The following GOLGA4 variants were observed in gnomAD, a reference collection of about 807,000 sequenced individuals.
The protein encoded by GOLGA4 is golgin A4.
A neutral mutation model predicts 265.9 loss-of-function variants in GOLGA4; 169 were observed. That is an observed-to-expected ratio of 0.64 (90% CI 0.56 to 0.72). The LOEUF (loss-of-function observed/expected upper bound fraction) is 0.72. GOLGA4 is among the 30% of genes least tolerant of loss of function. The pLI is 0.00. For synonymous variants in GOLGA4, 923 were observed against 855.8 expected (o/e 1.08, Z -1.37); for missense variants, 2,482 against 2,483.4 (o/e 1.00, Z 0.01).
At chr3:37,352,942 G>C (rs752400680) in intron 21 of GOLGA4, among the ~76,000 whole-genome samples, 16 of 152,038 alleles carry the variant, frequency 1.1e-4, no homozygotes, top group Admixed American at 2.0e-4. Context: ...TCTATCTTTT[G>C]ATTCAGAGTG....
chr3:37,332,264 T>C (rs952842473), intron 16 of GOLGA4, among the ~76,000 whole-genome samples: 1 of 152,216 alleles, frequency 6.6e-6, no homozygotes, highest in Non-Finnish European at 1.5e-5. Flanking sequence ...TCTGTGTGCC[T>C]AAAGTCACAT....
At chr3:37,349,969 C>T (rs921170260) in intron 21 of GOLGA4, among the ~76,000 whole-genome samples, 2 of 152,018 alleles carry the variant, frequency 1.3e-5, no homozygotes, top group African/African-American at 4.8e-5. Context: ...TCCTTCTGTC[C>T]GTATACTTTC....
chr3:37,243,454 TG>T lies in GOLGA4; in HGVS notation c.-95del. On this transcript the variant is annotated 5_prime_UTR_variant, in exon 1 of 24. An upstream open reading frame in the 5' UTR loses its in-frame stop. Transcript: ENST00000361924. ...GGCGAGGCCCGGCCCCCGCTGTCCCTGGTGTAAAGAAGTCGCCGTAGCCGTC... is the reference window on the plus strand; with the variant it reads ...GGCGAGGCCCGGCCCCCGCTGTCCCTGTGTAAAGAAGTCGCCGTAGCCGTC... 2 of 1,011,174 alleles carry T rather than the reference TG, an allele frequency of 2.0e-6. No homozygotes were observed. Among genetic ancestry groups the T allele is most frequent in the Non-Finnish European group, 3.1e-6 (2 of 636,046 alleles). The allele number at this position is 1,011,174 out of a possible 1,614,324, so 62.6% of individuals were successfully genotyped here. A position where few individuals can be genotyped will look rare whatever the true frequency, so the allele number is the denominator to read the frequency against.
chr3:37,330,008 T>C (rs1482857841), intron 16 of GOLGA4, among the ~76,000 whole-genome samples: 1 of 152,030 alleles, frequency 6.6e-6, no homozygotes, highest in East Asian at 1.9e-4. Flanking sequence ...TTCCAAGATA[T>C]AACACATGCC....
At chr3:37,362,209 A>C (rs1402735138) in intron 23 of GOLGA4, among the ~76,000 whole-genome samples, 1 of 34,442 alleles carries the variant, frequency 2.9e-5, no homozygotes, top group African/African-American at 4.5e-5. Flanking sequence ...TTATTTATTT[A>C]TTTATTTATT....
intron 5 of GOLGA4, among the ~76,000 whole-genome samples, chr3:37,293,086 T>C (rs1399697767): frequency 2.0e-5 from 3 of 152,188 alleles, no homozygotes; most frequent in South Asian, 2.1e-4. Flanking sequence ...TTTGAAAATA[T>C]TGTTTGAGGA....
At chr3:37,269,348 A>T (rs2096792020) in intron 2 of GOLGA4, among the ~76,000 whole-genome samples, 1 of 152,202 alleles carries the variant, frequency 6.6e-6, no homozygotes, top group Non-Finnish European at 1.5e-5. Context: ...CTAAGATGAA[A>T]ATGGTAGCAT....
Position 37,361,280 on chromosome 3 carries a change from A to G in GOLGA4, c.*8A>G, listed in dbSNP as rs759151268. On this transcript the variant is annotated 3_prime_UTR_variant, in exon 23 of 24. Coordinates refer to ENST00000361924, the MANE Select transcript of GOLGA4 (RefSeq NM_002078.5). ...CGCAGTGGTATCTTCTGAGTAAACC[A>G]TCAGTCTGTGCTTAGTTAACATGTG... is the stretch of plus-strand genomic sequence containing the variant. 2.5e-6 allele frequency: 4 copies of G among 1,612,932 alleles called. No individual in the cohort carries two copies. Among genetic ancestry groups the G allele is most frequent in the Non-Finnish European group, 3.4e-6 (4 of 1,179,146 alleles).
intron 22 of GOLGA4, among the ~76,000 whole-genome samples, chr3:37,357,391 C>T (rs1317929468): frequency 6.6e-6 from 1 of 151,998 alleles, no homozygotes; most frequent in Non-Finnish European, 1.5e-5. Context: ...GGTTGTTGAC[C>T]TTGTGGAACT....
rs376727931 is a variant in GOLGA4 at position 37,340,116 on chromosome 3, A to G, written c.6397-8A>G. ...ATCTTATATGGTCTGATTATTTGTTATTTTTAGATTCACAATTTAGAAGAC... is the reference window on the plus strand; with the variant it reads ...ATCTTATATGGTCTGATTATTTGTTGTTTTTAGATTCACAATTTAGAAGAC... On this transcript the variant is annotated splice_region_variant and splice_polypyrimidine_tract_variant and intron_variant, in intron 19 of 23. Transcript: ENST00000361924. 3 of 1,121,504 alleles carry G rather than the reference A, an allele frequency of 2.7e-6. No individual in the cohort carries two copies. The highest frequency in any genetic ancestry group is 4.0e-6 in the Non-Finnish European group (3 of 747,654). The allele number at this position is 1,121,504 out of a possible 1,614,324, so 69.5% of individuals were successfully genotyped here.
At chr3:37,293,006 G>C (rs534051612) in intron 5 of GOLGA4, among the ~76,000 whole-genome samples, 8 of 152,308 alleles carry the variant, frequency 5.3e-5, no homozygotes, top group African/African-American at 1.9e-4. Context: ...TGTTTTGCTC[G>C]GGCAATTCTT....
chr3:37,266,961 C>G, intron 2 of GOLGA4: 1 of 1,112,014 alleles, frequency 9.0e-7, no homozygotes, highest in Non-Finnish European at 1.2e-6. Context: ...CCACCGCTTT[C>G]TGCATTCCCT....
Position 37,243,439 on chromosome 3 carries a change from G to T in GOLGA4, c.-112G>T. ...CCTCAAGGAGGAGACGGCGAGGCCCGGCCCCCGCTGTCCCTGGTGTAAAGA... is the reference window on the plus strand; with the variant it reads ...CCTCAAGGAGGAGACGGCGAGGCCCTGCCCCCGCTGTCCCTGGTGTAAAGA... On this transcript the variant is annotated 5_prime_UTR_variant, in exon 1 of 24. Transcript: ENST00000361924. 1.1e-6 allele frequency: 1 copy of T among 891,962 alleles called. No individual in the cohort carries two copies. Among genetic ancestry groups the T allele is most frequent in the Non-Finnish European group, 1.9e-6 (1 of 539,596 alleles). The allele number at this position is 891,962 out of a possible 1,614,324, so 55.3% of individuals were successfully genotyped here.
At chr3:37,277,198 A>G (rs1164487188) in intron 2 of GOLGA4, among the ~76,000 whole-genome samples, 1 of 152,208 alleles carries the variant, frequency 6.6e-6, no homozygotes, top group East Asian at 1.9e-4. Context: ...CGTGATCATC[A>G]TCTCTTGTAA....
chr3:37,336,264 T>A (rs2097012156), intron 17 of GOLGA4, among the ~76,000 whole-genome samples: 1 of 152,208 alleles, frequency 6.6e-6, no homozygotes, highest in African/African-American at 2.4e-5. Context: ...GACTTGAGTA[T>A]TCCAGGTGCT....
In GOLGA4 at chr3:37,358,232, T is replaced by C. The variant is rs2097095511; in HGVS notation, c.6664-3011T>C. ...ATTTTTGCTTTTTGACCATGATGAT[T>C]ATACATTTACTTTGTAGCACTAATC... On this transcript the variant is annotated intron_variant, in intron 22 of 23. Coordinates refer to ENST00000361924, the MANE Select transcript of GOLGA4 (RefSeq NM_002078.5). Among the ~76,000 whole-genome samples the C allele has an allele frequency of 2.0e-5, 3 of 152,208 alleles. No homozygotes were observed. In the South Asian group the frequency reaches 6.2e-4, roughly 32 times the overall value.
intron 2 of GOLGA4, among the ~76,000 whole-genome samples, chr3:37,272,999 C>T (rs945700774): frequency 3.6e-4 from 55 of 152,054 alleles, no homozygotes; most frequent in Non-Finnish European, 1.2e-4. Flanking sequence ...AAAAATCTTT[C>T]GCGTGTGGAA....
intron 1 of GOLGA4, among the ~76,000 whole-genome samples, chr3:37,245,821 C>T (rs1042088261): frequency 5.3e-5 from 8 of 152,006 alleles, no homozygotes; most frequent in African/African-American, 1.7e-4. Flanking sequence ...GCCCCGGCCT[C>T]CCAAAATGCT....
chr3:37,292,157 G>A (rs992155827), intron 5 of GOLGA4, among the ~76,000 whole-genome samples: 1 of 152,044 alleles, frequency 6.6e-6, no homozygotes. Flanking sequence ...ATCGAGGAGT[G>A]TTTTTTGGTT....
Sources: allele counts gnomAD v4.1 joint callset (sites outside exome capture counted in the v4.1 genomes callset), GRCh38; gene constraint gnomAD v4.1.1; transcripts MANE v1.5; gene names NCBI Gene and HGNC (gene_info 2026-07-23, HGNC 2026-07-21).